Variants in C6orf15 observed in about 807,000 individuals in gnomAD.
The protein encoded by C6orf15 is uncharacterized protein C6orf15.
C6orf15 carries 5 observed loss-of-function variants against 2.8 expected under a neutral mutation model. That is an observed-to-expected ratio of 1.80 (90% confidence interval 0.94 to 3.78). C6orf15 has a LOEUF of 3.78. C6orf15 is among the 30% of genes most tolerant of loss of function. The pLI, the probability that C6orf15 is intolerant of heterozygous loss-of-function variation, is 0.00. For missense variants in C6orf15, 363 were observed against 418.8 expected, an observed-to-expected ratio of 0.87 and a Z score of 1.16; for synonymous variants, 145 against 163.2, an observed-to-expected ratio of 0.89 and a Z score of 0.85.
In C6orf15 at chr6:31,111,316, G is replaced by T; in HGVS notation, c.*65C>A. The T allele has an allele frequency of 7.1e-7, 1 of 1,409,648 alleles. No individual in the cohort carries two copies. The highest frequency in any genetic ancestry group is 1.4e-5 in the African/African-American group (1 of 70,014). 87.3% of individuals were successfully genotyped at this position (1,409,648 alleles called of 1,614,324 possible). The stretch of plus-strand genomic sequence containing the variant: ...AACATGCTGACAGGGCCTGGATTGA[G>T]CCCACACAGCAAGGGGCGGGAGCAG... On this transcript the variant is annotated 3_prime_UTR_variant, in exon 2 of 2. Transcript: ENST00000259870.
chr6:31,111,458 G>A lies in C6orf15; in HGVS notation c.901C>T (p.Leu301Phe). The A allele has an allele frequency of 1.2e-6, 2 of 1,612,632 alleles. No homozygotes were observed. The highest frequency in any genetic ancestry group is 1.7e-6 in the Non-Finnish European group (2 of 1,179,752). ...TTCCAAGAAGAGCCAGGAGGGCGGA[G>A]GACTCCAGGAGGAAATGGGTTATTG... ...GINNPFPPGV[L>F]RPPGSSWNIP... Residue 301 changes from leucine to phenylalanine, a missense_variant, in exon 2 of 2, where the codon CTC (leucine) becomes TTC (phenylalanine). Coordinates refer to ENST00000259870, the MANE Select transcript of C6orf15 (RefSeq NM_014070.3).
rs768494710 is a variant in C6orf15 at position 31,111,689 on chromosome 6, C to T, written c.670G>A (p.Gly224Arg). Reference protein sequence around the residue: ...PSVSWGGGGPGTGWGTRPMPH... With the variant: ...PSVSWGGGGPRTGWGTRPMPH... ...ATGGGCCTCGTTCCCCAACCAGTCC[C>T]AGGGCCTCCACCTCCCCAGGACACA... The change falls in exon 2 of 2, where the codon GGG becomes AGG. Residue 224 changes from glycine to arginine, a missense_variant. Transcript: ENST00000259870. 8 of 1,609,426 alleles carry T rather than the reference C, an allele frequency of 5.0e-6. No homozygotes were observed. The Middle Eastern group carries it at 9.9e-4, about 199-fold the overall frequency.
chr6:31,111,343 A>G lies in C6orf15; in HGVS notation c.*38T>C, dbSNP rs1771762742. 3 of 1,518,128 alleles carry G rather than the reference A, an allele frequency of 2.0e-6. No homozygotes were observed. In the Admixed American group the frequency reaches 5.9e-5, roughly 30 times the overall value. 94.0% of individuals were successfully genotyped at this position (1,518,128 alleles called of 1,614,324 possible). A position where few individuals can be genotyped will look rare whatever the true frequency, so the allele number is the denominator to read the frequency against. On this transcript the variant is annotated 3_prime_UTR_variant, in exon 2 of 2. Transcript: ENST00000259870. Reference sequence around the variant, plus strand: ...CCACACAGCAAGGGGCGGGAGCAGGACTCTAACTCCCAATGTTGGGTTTCC... The same window carrying G: ...CCACACAGCAAGGGGCGGGAGCAGGGCTCTAACTCCCAATGTTGGGTTTCC...
rs780286581 is a variant in C6orf15, at chr6:31,111,854, G to A, written c.505C>T (p.Leu169Phe). 6.2e-7 allele frequency: 1 copy of A among 1,612,590 alleles called. No individual in the cohort carries two copies. The highest frequency in any genetic ancestry group is 1.3e-5 in the African/African-American group (1 of 75,040). The part of the protein sequence containing the change: ...ATGLSPKASL[L>F]HQDSESRRLP... The stretch of plus-strand genomic sequence containing the variant: ...CGTCTGGACTCCGAGTCCTGGTGGA[G>A]GAGTGAAGCCTTGGGTGAGAGGCCT... Residue 169 changes from leucine (L) to phenylalanine (F), a missense_variant, in exon 2 of 2, where the codon CTC (leucine) becomes TTC (phenylalanine). Coordinates refer to ENST00000259870, the MANE Select transcript of C6orf15 (RefSeq NM_014070.3).
chr6:31,112,317 C>A (rs1488661453), intron 1 of C6orf15, 26 bp from the exon 2 acceptor site: 1 of 1,580,864 alleles, frequency 6.3e-7, no homozygotes, highest in Admixed American at 1.8e-5. Context: ...GATAAAGCAA[C>A]CAGTGGTCTC....
Position 31,111,257 on chromosome 6 carries a change from A to G in C6orf15, c.*124T>C. The G allele has an allele frequency of 2.5e-6, 2 of 813,816 alleles. No individual in the cohort carries two copies. The highest frequency in any genetic ancestry group is 3.8e-6 in the Non-Finnish European group (2 of 525,982). 50.4% of individuals were successfully genotyped at this position (813,816 alleles called of 1,614,324 possible). Reference sequence around the variant, plus strand: ...TGCTTTTATTTTATTGGAGATGAGCAGGGGAGGCACTGAAAAGTGGGGATA... The same window carrying G: ...TGCTTTTATTTTATTGGAGATGAGCGGGGGAGGCACTGAAAAGTGGGGATA... On this transcript the variant is annotated 3_prime_UTR_variant, in exon 2 of 2. Transcript: ENST00000259870.
chr6:31,111,895 G>A lies in C6orf15; in HGVS notation c.464C>T (p.Ser155Phe), dbSNP rs762494293. ...TGAGAGGCCTGTGGCATCGGGAGAAGACTCCCCAGGCAAAGGGCCACTGCC... is the reference window on the plus strand; with the variant it reads ...TGAGAGGCCTGTGGCATCGGGAGAAAACTCCCCAGGCAAAGGGCCACTGCC... ...APGSGPLPGE[S>F]SPDATGLSPK... The change falls in exon 2 of 2, where the codon TCT becomes TTT. Residue 155 changes from serine to phenylalanine, a missense_variant. Ser to Phe is a radical substitution (Grantham distance 155, BLOSUM62 -2). Transcript: ENST00000259870. The A allele has an allele frequency of 4.3e-6, 7 of 1,612,950 alleles. No individual in the cohort carries two copies. In the South Asian group the frequency reaches 7.7e-5, roughly 18 times the overall value.
Position 31,111,858 on chromosome 6 carries a change from T to C in C6orf15, c.501A>G (p.Ser167=), listed in dbSNP as rs1771799961. 6.2e-7 allele frequency: 1 copy of C among 1,612,182 alleles called. No individual in the cohort carries two copies. The highest frequency in any genetic ancestry group is 1.1e-5 in the South Asian group (1 of 91,056). ...PDATGLSPKA[S]LLHQDSESRR... is the part of the protein sequence containing the mutation. ...TGGACTCCGAGTCCTGGTGGAGGAGTGAAGCCTTGGGTGAGAGGCCTGTGG... is the reference window on the plus strand; with the variant it reads ...TGGACTCCGAGTCCTGGTGGAGGAGCGAAGCCTTGGGTGAGAGGCCTGTGG... The change falls in exon 2 of 2, where the codon TCA becomes TCG. Residue 167 remains serine (S), a synonymous_variant. Coordinates refer to ENST00000259870, the MANE Select transcript of C6orf15 (RefSeq NM_014070.3).
chr6:31,112,329 A>G (rs1562744607), intron 1 of C6orf15, 38 bp from the exon 2 acceptor site: 4 of 1,559,090 alleles, frequency 2.6e-6, no homozygotes, highest in South Asian at 1.2e-5. Context: ...AGTGGTCTCC[A>G]GTCCCCGAGT....
Position 31,112,309 on chromosome 6 carries a change from T to C in C6orf15, c.68-18A>G, listed in dbSNP as rs1422259395. The C allele has an allele frequency of 1.3e-6, 2 of 1,595,158 alleles. No homozygotes were observed. The highest frequency in any genetic ancestry group is 2.7e-5 in the African/African-American group (2 of 74,344). On this transcript the variant is annotated intron_variant, in intron 1 of 1. Transcript: ENST00000259870. ...AAAGAGGCCTGAGGGAAAGGGAAGA[T>C]AAAGCAACCAGTGGTCTCCAGTCCC...
chr6:31,111,476 G>T lies in C6orf15; in HGVS notation c.883C>A (p.Pro295Thr). 6.2e-7 allele frequency: 1 copy of T among 1,612,854 alleles called. No homozygotes were observed. The highest frequency in any genetic ancestry group is 1.1e-5 in the South Asian group (1 of 91,086). Residue 295 changes from proline (P) to threonine (T), a missense_variant, in exon 2 of 2, where the codon CCA becomes ACA. Coordinates refer to ENST00000259870, the MANE Select transcript of C6orf15 (RefSeq NM_014070.3). ...GGGCGGAGGACTCCAGGAGGAAATG[G>T]GTTATTGATACCTGGGTATAGATGA... ...NIHLYPGINN[P>T]FPPGVLRPPG...
rs1771808793 is a variant in C6orf15, at chr6:31,111,956, GTTC to G, written c.400_402del (p.Glu134del). On this transcript the variant is annotated inframe_deletion, in exon 2 of 2. Transcript: ENST00000259870. ...GCCGCAGCACTGGAGAGGTAAGAGAGTTCTTCAGGCAGCGCTTCCCCCAGGCGG... is the reference window on the plus strand; with the variant it reads ...GCCGCAGCACTGGAGAGGTAAGAGAGTTCAGGCAGCGCTTCCCCCAGGCGG... The G allele has an allele frequency of 6.2e-7, 1 of 1,612,960 alleles. No homozygotes were observed. The highest frequency in any genetic ancestry group is 1.3e-5 in the African/African-American group (1 of 74,914).
rs1470821355 is a variant in C6orf15 at position 31,111,522 on chromosome 6, T to C, written c.837A>G (p.Pro279=). ...GGSWGNINRY[P]GGSWGNIHLY... Reference sequence around the variant, plus strand: ...GATGAATATTCCCCCAGCTGCCTCCTGGATACCGATTAATATTCCCCCAGC... The same window carrying C: ...GATGAATATTCCCCCAGCTGCCTCCCGGATACCGATTAATATTCCCCCAGC... Residue 279 remains proline, a synonymous_variant, in exon 2 of 2, where the codon CCA becomes CCG. Coordinates refer to ENST00000259870, the MANE Select transcript of C6orf15 (RefSeq NM_014070.3). The C allele has an allele frequency of 6.2e-7, 1 of 1,605,462 alleles. No homozygotes were observed. The highest frequency in any genetic ancestry group is 2.2e-5 in the East Asian group (1 of 44,774).
In C6orf15 at chr6:31,111,315, A is replaced by C; in HGVS notation, c.*66T>G. 7.2e-7 allele frequency: 1 copy of C among 1,397,282 alleles called. No individual in the cohort carries two copies. Among genetic ancestry groups the C allele is most frequent in the Non-Finnish European group, 9.7e-7 (1 of 1,032,966 alleles). The allele number at this position is 1,397,282 out of a possible 1,614,324, so 86.6% of individuals were successfully genotyped here. A position where few individuals can be genotyped will look rare whatever the true frequency, so the allele number is the denominator to read the frequency against. On this transcript the variant is annotated 3_prime_UTR_variant, in exon 2 of 2. Transcript: ENST00000259870. ...AAACATGCTGACAGGGCCTGGATTG[A>C]GCCCACACAGCAAGGGGCGGGAGCA... is the stretch of plus-strand genomic sequence containing the variant.
intron 1 of C6orf15, 79 bp from the exon 2 acceptor site, chr6:31,112,370 T>C: frequency 6.8e-7 from 1 of 1,480,598 alleles, no homozygotes. Context: ...CCTATGCCTA[T>C]TCTTCCTTTT....
At position 31,111,359 on chromosome 6, in the gene C6orf15, T is replaced by C; in HGVS notation, c.*22A>G. ...GGGAGCAGGACTCTAACTCCCAATG[T>C]TGGGTTTCCCTCTATCGTGCTCTAG... On this transcript the variant is annotated 3_prime_UTR_variant, in exon 2 of 2. Transcript: ENST00000259870. 6.4e-7 allele frequency: 1 copy of C among 1,553,042 alleles called. No homozygotes were observed. The highest frequency in any genetic ancestry group is 8.7e-7 in the Non-Finnish European group (1 of 1,142,956).
Position 31,111,732 on chromosome 6 carries a change from C to G in C6orf15, c.627G>C (p.Trp209Cys). 1 of 1,611,640 alleles carries G rather than the reference C, an allele frequency of 6.2e-7. No individual in the cohort carries two copies. The highest frequency in any genetic ancestry group is 8.5e-7 in the Non-Finnish European group (1 of 1,179,194). Residue 209 changes from tryptophan to cysteine, a missense_variant, in exon 2 of 2, where the codon TGG (tryptophan) becomes TGC (cysteine). Trp to Cys is a radical substitution (Grantham distance 215). Transcript: ENST00000259870. ...AGGACACACTGGGATTCAGGGTACC[C>G]CAGGGGTGATCAGGCAGAACCCTGT... ...LIHRVLPDHP[W>C]GTLNPSVSWG...
Position 31,111,883 on chromosome 6 carries a change from G to A in C6orf15, c.476C>T (p.Ala159Val). 6.2e-7 allele frequency: 1 copy of A among 1,612,878 alleles called. No homozygotes were observed. The highest frequency in any genetic ancestry group is 8.5e-7 in the Non-Finnish European group (1 of 1,179,900). The change falls in exon 2 of 2, where the codon GCC becomes GTC. Residue 159 changes from alanine (A) to valine (V), a missense_variant. Transcript: ENST00000259870. ...GPLPGESSPDATGLSPKASLL... is the reference protein window; with the variant it reads ...GPLPGESSPDVTGLSPKASLL... Reference sequence around the variant, plus strand: ...TGAAGCCTTGGGTGAGAGGCCTGTGGCATCGGGAGAAGACTCCCCAGGCAA... The same window carrying A: ...TGAAGCCTTGGGTGAGAGGCCTGTGACATCGGGAGAAGACTCCCCAGGCAA...
chr6:31,112,296 G>GTT lies in C6orf15; in HGVS notation c.68-6_68-5insAA. 1 of 1,603,180 alleles carries GTT rather than the reference G, an allele frequency of 6.2e-7. No homozygotes were observed. Among genetic ancestry groups the GTT allele is most frequent in the Non-Finnish European group, 8.5e-7 (1 of 1,174,680 alleles). On this transcript the variant is annotated splice_region_variant and splice_polypyrimidine_tract_variant and intron_variant, in intron 1 of 1. Coordinates refer to ENST00000259870, the MANE Select transcript of C6orf15 (RefSeq NM_014070.3). ...CGATGCTCCGGGCAAAGAGGCCTGA[G>GTT]GGAAAGGGAAGATAAAGCAACCAGT...
Sources: gnomAD v4.1 joint callset for allele counts on GRCh38, gnomAD v4.1.1 for gene constraint, MANE v1.5 for transcripts, NCBI Gene and HGNC (gene_info 2026-07-23, HGNC 2026-07-21) for gene names.